Variants in LHFPL2 observed in about 807,000 individuals in gnomAD.
LHFPL2 encodes the protein LHFPL tetraspan subfamily member 2.
Under a neutral mutation model 17.5 loss-of-function variants are expected in LHFPL2, and 7 were observed. The ratio of observed to expected loss-of-function variants is 0.40; its 90% CI spans 0.23 to 0.75. The LOEUF (loss-of-function observed/expected upper bound fraction) is 0.75. Ranked by LOEUF, LHFPL2 falls within the 30% of genes least tolerant of loss-of-function variation. LHFPL2 has a pLI of 0.37. For missense variants in LHFPL2, 241 were observed against 294.8 expected, an observed-to-expected ratio of 0.82 and a Z score of 1.34; for synonymous variants, 134 against 116.2, an observed-to-expected ratio of 1.15 and a Z score of -0.99.
intron 4 of LHFPL2, among the ~76,000 whole-genome samples, chr5:78,500,494 G>T (rs2362833): frequency 2.0e-5 from 3 of 152,010 alleles, no homozygotes; most frequent in South Asian, 2.1e-4. Flanking sequence ...CCGAGGGTTG[G>T]GGGGAGGCAA....
chr5:78,593,916 G>A (rs1743733748), intron 2 of LHFPL2, among the ~76,000 whole-genome samples: 2 of 152,226 alleles, frequency 1.3e-5, no homozygotes, highest in Non-Finnish European at 1.5e-5. Flanking sequence ...GGGGGATGGA[G>A]AGGATATCTC....
intron 2 of LHFPL2, among the ~76,000 whole-genome samples, chr5:78,577,134 A>G (rs1010433474): frequency 2.0e-5 from 3 of 152,336 alleles, no homozygotes; most frequent in East Asian, 1.9e-4. Flanking sequence ...ACAAGCAACA[A>G]TATCATACAG....
intron 2 of LHFPL2, among the ~76,000 whole-genome samples, chr5:78,630,091 G>A (rs139510983): frequency 7.7e-4 from 117 of 152,300 alleles, no homozygotes; most frequent in African/African-American, 2.4e-3. Context: ...CACACACCTC[G>A]TGAGCCCCTA....
At chr5:78,599,749 A>T (rs1419369390) in intron 2 of LHFPL2, among the ~76,000 whole-genome samples, 1 of 152,198 alleles carries the variant, frequency 6.6e-6, no homozygotes, top group Non-Finnish European at 1.5e-5. Flanking sequence ...GTTGTGACTT[A>T]GTACAGATAA....
At chr5:78,562,240 G>A (rs552977062) in intron 3 of LHFPL2, among the ~76,000 whole-genome samples, 11 of 152,292 alleles carry the variant, frequency 7.2e-5, no homozygotes, top group African/African-American at 2.6e-4. Context: ...AATTCCACAT[G>A]GTAATGAAAA....
chr5:78,566,593 G>A (rs528204367), intron 2 of LHFPL2, among the ~76,000 whole-genome samples: 2 of 152,196 alleles, frequency 1.3e-5, no homozygotes, highest in South Asian at 4.2e-4. Context: ...GAGTAGCTGG[G>A]ATTACAGGCA....
intron 3 of LHFPL2, among the ~76,000 whole-genome samples, chr5:78,564,395 G>A (rs1292499789): frequency 6.6e-6 from 1 of 152,036 alleles, no homozygotes; most frequent in Admixed American, 6.5e-5. Context: ...TTCCATATGA[G>A]CTATCACTGA....
intron 1 of LHFPL2, chr5:78,644,242 A>G (rs1745784928): frequency 2.9e-6 from 2 of 693,050 alleles, no homozygotes; most frequent in Non-Finnish European, 5.1e-6. Context: ...TATAGATAAG[A>G]AAAAAAAACT....
At chr5:78,637,979 G>C (rs762318395) in intron 1 of LHFPL2, among the ~76,000 whole-genome samples, 1 of 152,158 alleles carries the variant, frequency 6.6e-6, no homozygotes, top group Non-Finnish European at 1.5e-5. Flanking sequence ...TGTCAGTGCT[G>C]GTTTGTCTTG....
At chr5:78,569,630 T>C (rs530195270) in intron 2 of LHFPL2, among the ~76,000 whole-genome samples, 2 of 151,968 alleles carry the variant, frequency 1.3e-5, no homozygotes, top group South Asian at 4.2e-4. Flanking sequence ...GACATGAGAG[T>C]GTCGAGTTTC....
At chr5:78,543,018 G>A (rs1756160117) in intron 3 of LHFPL2, among the ~76,000 whole-genome samples, 1 of 152,206 alleles carries the variant, frequency 6.6e-6, no homozygotes, top group African/African-American at 2.4e-5. Context: ...AGACAGGCAA[G>A]CTGGAAGCTT....
At chr5:78,627,146 G>T (rs1745073140) in intron 2 of LHFPL2, among the ~76,000 whole-genome samples, 1 of 152,136 alleles carries the variant, frequency 6.6e-6, no homozygotes, top group South Asian at 2.1e-4. Context: ...AGAGGGAGAA[G>T]CTGAGGACAA....
At chr5:78,497,809 C>G (rs1018205931) in intron 4 of LHFPL2, among the ~76,000 whole-genome samples, 5 of 152,220 alleles carry the variant, frequency 3.3e-5, no homozygotes, top group African/African-American at 1.2e-4. Context: ...TGAAAACCTT[C>G]CTGGCTACAG....
chr5:78,642,148 T>G (rs1371326585), intron 1 of LHFPL2: 1 of 152,140 alleles, frequency 6.6e-6, no homozygotes, highest in Non-Finnish European at 1.5e-5. Context: ...TGGTCTCTCT[T>G]CCTTTTCTCA....
intron 4 of LHFPL2, among the ~76,000 whole-genome samples, chr5:78,506,126 T>G (rs116008998): frequency 0.01 from 1,525 of 152,358 alleles, 22 homozygotes; most frequent in Non-Finnish European, 0.012. Context: ...CTGCTTAAGT[T>G]AGCCCAGAGT....
chr5:78,628,537 C>T (rs1745138977), intron 2 of LHFPL2, among the ~76,000 whole-genome samples: 1 of 152,192 alleles, frequency 6.6e-6, no homozygotes, highest in Non-Finnish European at 1.5e-5. Flanking sequence ...AAAGGAGCAG[C>T]AGCCCCTTCT....
intron 4 of LHFPL2, among the ~76,000 whole-genome samples, chr5:78,491,889 G>A (rs1754457076): frequency 6.6e-6 from 1 of 151,994 alleles, no homozygotes; most frequent in African/African-American, 2.4e-5. Flanking sequence ...AATTTGGGGA[G>A]AGAGGAGATC....
rs1372488481 is a variant in LHFPL2 at position 78,562,647 on chromosome 5, A to AG, written c.-186+2165_-186+2166insC. 5.3e-5 allele frequency among the ~76,000 whole-genome samples: 8 copies of AG among 152,022 alleles called. No homozygotes were observed. In the East Asian group the frequency reaches 9.7e-4, roughly 18 times the overall value. The stretch of plus-strand genomic sequence containing the variant: ...GAGATTCCACCTCAAAAAAAAAAAA[A>AG]AAAGAAAGAAAGCAGGATCAGATTG... On this transcript the variant is annotated intron_variant, in intron 3 of 4. Transcript: ENST00000380345.
At chr5:78,630,138 C>G (rs1039045356) in intron 2 of LHFPL2, among the ~76,000 whole-genome samples, 16 of 152,172 alleles carry the variant, frequency 1.1e-4, no homozygotes, top group Admixed American at 9.2e-4. Flanking sequence ...GAGGGTTTGA[C>G]CTACTTCATC....
Sources: allele counts gnomAD v4.1 joint callset (sites outside exome capture counted in the v4.1 genomes callset), GRCh38; gene constraint gnomAD v4.1.1; transcripts MANE v1.5; gene names NCBI Gene and HGNC (gene_info 2026-07-23, HGNC 2026-07-21).